ALS2: variants seen among roughly 807,000 people sequenced by gnomAD.
ALS2 encodes alsin.
In ALS2, 117 loss-of-function variants were observed where a neutral mutation model predicts 203.4. That is an observed-to-expected ratio of 0.58 (90% CI 0.50 to 0.67). The LOEUF (loss-of-function observed/expected upper bound fraction) is 0.67, where lower values mean the gene tolerates loss of function less well. Ranked by LOEUF, ALS2 falls within the 30% of genes least tolerant of loss-of-function variation. The pLI, the probability that ALS2 is intolerant of heterozygous loss-of-function variation, is 0.00. For synonymous variants in ALS2, 718 were observed against 725.9 expected, an observed-to-expected ratio of 0.99 and a Z score of 0.17; for missense variants, 1,715 against 1,989.4, an observed-to-expected ratio of 0.86 and a Z score of 2.62.
rs1469551631 is a variant in ALS2 at position 201,700,858 on chromosome 2, T to C, written c.*993A>G. On this transcript the variant is annotated 3_prime_UTR_variant, in exon 34 of 34. Transcript: ENST00000264276. The stretch of plus-strand genomic sequence containing the variant: ...TTTAAAAAGCAAAACACTGAAATGT[T>C]GAGGTGCCACAATACTTTTGAGATG... The C allele has an allele frequency of 6.6e-6, 1 of 152,378 alleles. No homozygotes were observed. The highest frequency in any genetic ancestry group is 1.5e-5 in the Non-Finnish European group (1 of 68,040). The allele number at this position is 152,378 out of a possible 1,614,324, so 9.4% of individuals were successfully genotyped here.
chr2:201,773,804 C>G (rs57427007), intron 1 of ALS2, among the ~76,000 whole-genome samples: 11 of 152,136 alleles, frequency 7.2e-5, no homozygotes, highest in African/African-American at 2.4e-4. Flanking sequence ...GGATGAGGAT[C>G]GGACAAAGAG....
chr2:201,723,004 A>G (rs779575644), intron 23 of ALS2, 39 bp downstream of exon 23: 2 of 1,477,096 alleles, frequency 1.4e-6, no homozygotes, highest in Non-Finnish European at 1.9e-6. Flanking sequence ...TAGTAAAAGA[A>G]TTTATTAGGG....
chr2:201,773,312 C>T (rs576583413), intron 1 of ALS2, among the ~76,000 whole-genome samples: 1 of 152,230 alleles, frequency 6.6e-6, no homozygotes, highest in African/African-American at 2.4e-5. Flanking sequence ...GGAAGGAAGC[C>T]TGGGTTCTTA....
At chr2:201,773,050 C>G (rs1455449567) in intron 1 of ALS2, among the ~76,000 whole-genome samples, 1 of 151,980 alleles carries the variant, frequency 6.6e-6, no homozygotes, top group East Asian at 1.9e-4. Flanking sequence ...TTAGTAGAGA[C>G]AGGGTTTCAC....
rs1689407836 is a variant in ALS2, at chr2:201,701,819, T to C, written c.*32A>G. The C allele has an allele frequency of 1.2e-6, 2 of 1,607,450 alleles. No homozygotes were observed. The highest frequency in any genetic ancestry group is 2.2e-5 in the East Asian group (1 of 44,786). ...CAGATGGTGTTATAACACTCTGTAG[T>C]AGATAATCCAGTTTTCAAGCTGTTA... On this transcript the variant is annotated 3_prime_UTR_variant, in exon 34 of 34. Coordinates refer to ENST00000264276, the MANE Select transcript of ALS2 (RefSeq NM_020919.4).
chr2:201,771,979 A>G (rs1255825886), intron 1 of ALS2, among the ~76,000 whole-genome samples: 1 of 152,208 alleles, frequency 6.6e-6, no homozygotes, highest in African/African-American at 2.4e-5. Context: ...TCCACAGATA[A>G]ATGGCATCTC....
chr2:201,739,153 C>G (rs940312480), intron 11 of ALS2, among the ~76,000 whole-genome samples: 3 of 149,226 alleles, frequency 2.0e-5, no homozygotes, highest in Non-Finnish European at 4.4e-5. Context: ...GTGGGAGGAT[C>G]CCTTGAGCCT....
chr2:201,767,174 C>A (rs1230339379), intron 3 of ALS2, 55 bp downstream of exon 3: 1 of 1,610,450 alleles, frequency 6.2e-7, no homozygotes, highest in African/African-American at 1.3e-5. Flanking sequence ...ACCTTCCACA[C>A]TCAGGCATTT....
At chr2:201,721,453 A>G (rs1690787311) in intron 23 of ALS2, among the ~76,000 whole-genome samples, 1 of 152,228 alleles carries the variant, frequency 6.6e-6, no homozygotes, top group Non-Finnish European at 1.5e-5. Context: ...TATTAACACA[A>G]GGAGAGACAT....
chr2:201,712,743 C>G (rs1482114749), intron 25 of ALS2, among the ~76,000 whole-genome samples: 1 of 115,414 alleles, frequency 8.7e-6, no homozygotes, highest in African/African-American at 3.3e-5. Flanking sequence ...TGGAGAAAAG[C>G]AGGAGAAAAG....
At chr2:201,754,465 T>G (rs577499503) in intron 6 of ALS2, 38 bp downstream of exon 6, 1 of 1,613,710 alleles carries the variant, frequency 6.2e-7, no homozygotes, top group Non-Finnish European at 8.5e-7. Flanking sequence ...ATTATTTGTT[T>G]AAGCCAACTT....
intron 1 of ALS2, among the ~76,000 whole-genome samples, chr2:201,771,077 G>A (rs1208781896): frequency 1.3e-5 from 1 of 78,992 alleles, no homozygotes; most frequent in Non-Finnish European, 2.4e-5. Context: ...ACGGAGTTTT[G>A]CTCTTGTCAC....
At chr2:201,735,529 G>A (rs1384754833) in intron 12 of ALS2, among the ~76,000 whole-genome samples, 1 of 152,212 alleles carries the variant, frequency 6.6e-6, no homozygotes, top group African/African-American at 2.4e-5. Flanking sequence ...GCCTAGCTGT[G>A]CTTTAGACAT....
At chr2:201,738,641 T>C (rs1168369313) in intron 12 of ALS2, 29 bp downstream of exon 12, 4 of 1,601,224 alleles carry the variant, frequency 2.5e-6, no homozygotes, top group Non-Finnish European at 1.7e-6. Flanking sequence ...GCGGAGAGAA[T>C]GATAACTGGA....
intron 3 of ALS2, chr2:201,763,103 G>T: frequency 5.2e-6 from 1 of 193,254 alleles, no homozygotes; most frequent in Non-Finnish European, 1.1e-5. Context: ...GTTGCCACTG[G>T]GGACTACAAT....
chr2:201,704,082 A>C (rs375387861), intron 33 of ALS2, 40 bp downstream of exon 33: 10 of 1,525,662 alleles, frequency 6.6e-6, no homozygotes, highest in African/African-American at 2.7e-5. Context: ...TGAAAGACAG[A>C]TATGAAGATA....
chr2:201,759,932 T>A, intron 4 of ALS2: 1 of 984,900 alleles, frequency 1.0e-6, no homozygotes, highest in Non-Finnish European at 1.2e-6. Context: ...TAAAACAATT[T>A]AGTTTAAGCG....
At position 201,706,973 on chromosome 2, in the gene ALS2, G is replaced by C. The variant is rs1207250658; in HGVS notation, c.4453C>G (p.Leu1485Val). The C allele has an allele frequency of 6.2e-7, 1 of 1,613,978 alleles. No individual in the cohort carries two copies. Among genetic ancestry groups the C allele is most frequent in the Admixed American group, 1.7e-5 (1 of 60,010 alleles). Residue 1485 changes from leucine (L) to valine (V), a missense_variant, in exon 29 of 34, where the codon CTC (leucine) becomes GTC (valine). Around this residue, in one of 3 missense-constraint regions of ALS2, gnomAD observed 1,227 missense variants for 1,413.5 expected, o/e 0.87. Transcript: ENST00000264276. ...TAAAGCATAAACAGCGGTGGGTAGA[G>C]CCGAGGTAGCAGCACAGGAAGCAAT... ...GLLLPVLLPR[L>V]YPPLFMLYAL...
chr2:201,706,733 A>C, intron 29 of ALS2, 113 bp downstream of exon 29: 6 of 1,128,540 alleles, frequency 5.3e-6, no homozygotes, highest in Non-Finnish European at 7.8e-6. Flanking sequence ...ACATATGCAA[A>C]AAATAATTAC....
Sources: allele counts gnomAD v4.1 joint callset (sites outside exome capture counted in the v4.1 genomes callset), GRCh38; gene constraint gnomAD v4.1.1; regional missense constraint gnomAD v4.1.1; transcripts MANE v1.5; gene names NCBI Gene and HGNC (gene_info 2026-07-23, HGNC 2026-07-21).